HSPG2: variants seen among roughly 807,000 people sequenced by gnomAD.
HSPG2 encodes basement membrane-specific heparan sulfate proteoglycan core protein.
HSPG2 carries 278 observed loss-of-function variants against 526.6 expected under a neutral mutation model. The observed-to-expected ratio is 0.53, with a 90% CI of 0.48 to 0.58. HSPG2 has a LOEUF of 0.58. HSPG2 is among the 20% of genes least tolerant of loss of function. HSPG2 has a pLI of 0.00. For missense variants in HSPG2, 5,354 were observed against 6,099.5 expected (o/e 0.88, Z 4.07); for synonymous variants, 2,465 against 2,555.4 (o/e 0.96, Z 1.07).
rs527620507 is a variant in HSPG2, at chr1:21,908,068, G to A, written c.64-11758C>T. On this transcript the variant is annotated intron_variant, in intron 1 of 96. Coordinates refer to ENST00000374695, the MANE Select transcript of HSPG2 (RefSeq NM_005529.7). ...TATAAGTGTTTGCTGCCTTTCGGCC[G>A]GAACCGCCATCTTCCAGTAATTCGC... is the stretch of plus-strand genomic sequence containing the variant. 33 of 753,198 alleles carry A rather than the reference G, an allele frequency of 4.4e-5. No homozygotes were observed. The East Asian group carries it at 5.4e-4, about 12-fold the overall frequency. The allele number at this position is 753,198 out of a possible 1,614,324, so 46.7% of individuals were successfully genotyped here. A position where few individuals can be genotyped will look rare whatever the true frequency, so the allele number is the denominator to read the frequency against.
At position 21,839,576 on chromosome 1, in the gene HSPG2, G is replaced by A; in HGVS notation, c.9710-26C>T. 2 of 1,612,290 alleles carry A rather than the reference G, an allele frequency of 1.2e-6. No homozygotes were observed. Among genetic ancestry groups the A allele is most frequent in the Non-Finnish European group, 1.7e-6 (2 of 1,179,278 alleles). ...CTGTGGAGTCGAGTGGAAGATGACA[G>A]AAGTCACTGGGCTACCTCAGGGACC... On this transcript the variant is annotated intron_variant, in intron 72 of 96. Coordinates refer to ENST00000374695, the MANE Select transcript of HSPG2 (RefSeq NM_005529.7). This position sits in a 1 kb window ranked among gnomAD's most constrained non-coding sequence, Gnocchi z 4.5.
chr1:21,830,210 C>A, intron 85 of HSPG2, 119 bp from the exon 86 acceptor site: 2 of 824,884 alleles, frequency 2.4e-6, no homozygotes, highest in Non-Finnish European at 4.0e-6. Context: ...GCCAGGCCAG[C>A]CTCCTGGGAG....
rs1483828649 is a variant in HSPG2 at position 21,859,424 on chromosome 1, TCTC to T, written c.5293+139_5293+141del. The stretch of plus-strand genomic sequence containing the variant: ...TAAAATGAGTCTTGAATCTGCCACC[TCTC>T]CTCATCTCCATGGCTGCTGACCTTG... On this transcript the variant is annotated intron_variant, in intron 42 of 96. Coordinates refer to ENST00000374695, the MANE Select transcript of HSPG2 (RefSeq NM_005529.7). The surrounding 1 kb of genome is among the most constrained non-coding windows in gnomAD (Gnocchi z 5.3). 1.4e-6 allele frequency: 1 copy of T among 699,972 alleles called. No individual in the cohort carries two copies. Among genetic ancestry groups the T allele is most frequent in the African/African-American group, 1.8e-5 (1 of 57,064 alleles). The allele number at this position is 699,972 out of a possible 1,614,324, so 43.4% of individuals were successfully genotyped here. A position where few individuals can be genotyped will look rare whatever the true frequency, so the allele number is the denominator to read the frequency against.
At chr1:21,932,112 C>T (rs1177872525) in intron 1 of HSPG2, among the ~76,000 whole-genome samples, 1 of 150,494 alleles carries the variant, frequency 6.6e-6, no homozygotes, top group Non-Finnish European at 1.5e-5. Flanking sequence ...CCTAGGAGAC[C>T]CCACGGACAC....
At chr1:21,930,773 C>CAA (rs577150920) in intron 1 of HSPG2, among the ~76,000 whole-genome samples, 1 of 108,574 alleles carries the variant, frequency 9.2e-6, no homozygotes, top group East Asian at 2.6e-4. Context: ...GACTCCATCT[C>CAA]AAAAAAAAAA....
chr1:21,829,525 C>G lies in HSPG2; in HGVS notation c.11850G>C (p.Glu3950Asp). The change falls in exon 87 of 97, where the codon GAG becomes GAC. Residue 3950 changes from glutamate to aspartate, a missense_variant. Physicochemically the swap from Glu to Asp is conservative, Grantham distance 45. Transcript: ENST00000374695. ...GCTTGAACTCCACGTCCAGGCGTAG[C>G]TCGTGGTGTGTGTTGGTGAGGGCGG... The part of the protein sequence containing the change: ...ALPALTNTHH[E>D]LRLDVEFKPL... 6.2e-7 allele frequency: 1 copy of G among 1,613,128 alleles called. No individual in the cohort carries two copies. Among genetic ancestry groups the G allele is most frequent in the Non-Finnish European group, 8.5e-7 (1 of 1,179,854 alleles).
intron 1 of HSPG2, among the ~76,000 whole-genome samples, chr1:21,931,424 C>T (rs570167214): frequency 4.5e-4 from 69 of 152,330 alleles, no homozygotes; most frequent in African/African-American, 1.7e-3. Flanking sequence ...CCAGCAGGGC[C>T]GGGACCCTCG....
chr1:21,937,171 T>C lies in HSPG2; in HGVS notation c.47A>G (p.His16Arg). The change falls in exon 1 of 97, where the codon CAC (histidine) becomes CGC (arginine). Residue 16 changes from histidine to arginine, a missense_variant. Coordinates refer to ENST00000374695, the MANE Select transcript of HSPG2 (RefSeq NM_005529.7). ...CACACTCACCGCCAGCAGCCGCCCG[T>C]GCAGCAGCAGCGCCAGCAGCAGCGC... ...AGALLLALLL[H>R]GRLLAVTHGL... 5 of 1,047,296 alleles carry C rather than the reference T, an allele frequency of 4.8e-6. No homozygotes were observed. The highest frequency in any genetic ancestry group is 5.8e-6 in the Non-Finnish European group (5 of 862,840). 64.9% of individuals were successfully genotyped at this position (1,047,296 alleles called of 1,614,324 possible). A position where few individuals can be genotyped will look rare whatever the true frequency, so the allele number is the denominator to read the frequency against.
intron 25 of HSPG2, 122 bp from the exon 26 acceptor site, chr1:21,875,124 C>A: frequency 2.6e-6 from 2 of 761,764 alleles, no homozygotes; most frequent in Non-Finnish European, 4.6e-6. Context: ...CTGCTGGGGC[C>A]CTGTCCAGAT....
At position 21,823,246 on chromosome 1, in the gene HSPG2, TTAATAA is replaced by T; in HGVS notation, c.*64_*69del. 1 of 1,293,536 alleles carries T rather than the reference TTAATAA, an allele frequency of 7.7e-7. No individual in the cohort carries two copies. Among genetic ancestry groups the T allele is most frequent in the East Asian group, 2.6e-5 (1 of 38,040 alleles). The allele number at this position is 1,293,536 out of a possible 1,614,324, so 80.1% of individuals were successfully genotyped here. ...TTTCTTACAAAAATTCATAATAATA[TTAATAA>T]TAATATACTCGACATTGTCGGGCTG... On this transcript the variant is annotated 3_prime_UTR_variant, in exon 97 of 97. Transcript: ENST00000374695.
rs1641491683 is a variant in HSPG2, at chr1:21,881,336, C to T, written c.1818+3G>A. 3.1e-6 allele frequency: 5 copies of T among 1,613,194 alleles called. No homozygotes were observed. Among genetic ancestry groups the T allele is most frequent in the Non-Finnish European group, 4.2e-6 (5 of 1,179,614 alleles). ...ACCCAGGGTGGCAGCCCAGGCCCCT[C>T]ACCTTGTTGCCCAGGAACTGTTCAG... On this transcript the variant is annotated splice_donor_region_variant and intron_variant, in intron 14 of 96. Coordinates refer to ENST00000374695, the MANE Select transcript of HSPG2 (RefSeq NM_005529.7).
At position 21,847,990 on chromosome 1, in the gene HSPG2, A is replaced by G; in HGVS notation, c.7841T>C (p.Ile2614Thr). The G allele has an allele frequency of 6.2e-7, 1 of 1,613,684 alleles. No individual in the cohort carries two copies. The highest frequency in any genetic ancestry group is 8.5e-7 in the Non-Finnish European group (1 of 1,179,994). ...NGAGSRETSL[I>T]VTIQGSGSSH... is the part of the protein sequence containing the mutation. ...GGAACCGCTGCCCTGGATGGTGACG[A>G]TGAGCGAGGTCTCCCGGGAGCCTGC... Residue 2614 changes from isoleucine to threonine, a missense_variant, in exon 60 of 97, where the codon ATC becomes ACC. Ile to Thr is a moderately conservative substitution (Grantham distance 89). Coordinates refer to ENST00000374695, the MANE Select transcript of HSPG2 (RefSeq NM_005529.7). This position sits in a 1 kb window ranked among gnomAD's most constrained non-coding sequence, Gnocchi z 4.1.
In HSPG2 at chr1:21,847,058, C is replaced by T. The variant is rs898762399; in HGVS notation, c.8164+296G>A. ...TATAAAGCACTTCTGGCATGCCAGGCACGCTCTAAGCACATTACATGCACT... is the reference window on the plus strand; with the variant it reads ...TATAAAGCACTTCTGGCATGCCAGGTACGCTCTAAGCACATTACATGCACT... On this transcript the variant is annotated intron_variant, in intron 62 of 96. Transcript: ENST00000374695. The surrounding 1 kb of genome is among the most constrained non-coding windows in gnomAD (Gnocchi z 4.1). Among the ~76,000 whole-genome samples the T allele has an allele frequency of 1.3e-5, 2 of 152,154 alleles. No homozygotes were observed. Among genetic ancestry groups the T allele is most frequent in the Non-Finnish European group, 2.9e-5 (2 of 68,040 alleles).
Position 21,824,063 on chromosome 1 carries a change from G to T in HSPG2, c.12899+58C>A, listed in dbSNP as rs910394218. 6.8e-7 allele frequency: 1 copy of T among 1,465,838 alleles called. No individual in the cohort carries two copies. Among genetic ancestry groups the T allele is most frequent in the Non-Finnish European group, 9.4e-7 (1 of 1,058,210 alleles). 90.8% of individuals were successfully genotyped at this position (1,465,838 alleles called of 1,614,324 possible). A position where few individuals can be genotyped will look rare whatever the true frequency, so the allele number is the denominator to read the frequency against. ...TGCCTCTCTGCCCATGGTAGGGGGC[G>T]TCCTGCCCCACTCCAGAACGCTGGG... On this transcript the variant is annotated intron_variant, in intron 95 of 96. Transcript: ENST00000374695. The surrounding 1 kb of genome is among the most constrained non-coding windows in gnomAD (Gnocchi z 5.9).
At chr1:21,918,762 G>A (rs1359684500) in intron 1 of HSPG2, among the ~76,000 whole-genome samples, 1 of 152,208 alleles carries the variant, frequency 6.6e-6, no homozygotes, top group African/African-American at 2.4e-5. Flanking sequence ...CTTTATTTCT[G>A]AATAATAAAG....
At chr1:21,846,862 C>A (rs1376868959) in intron 62 of HSPG2, among the ~76,000 whole-genome samples, 1 of 151,876 alleles carries the variant, frequency 6.6e-6, no homozygotes, top group Non-Finnish European at 1.5e-5. Flanking sequence ...TAGCCGGGCA[C>A]GGTGGCATGT....
chr1:21,874,088 G>T (rs1481797366), intron 28 of HSPG2, 77 bp from the exon 29 acceptor site: 2 of 1,295,792 alleles, frequency 1.5e-6, no homozygotes, highest in Non-Finnish European at 2.2e-6. Context: ...AGGACCAGGG[G>T]AGAGGGGAGG....
In HSPG2 at chr1:21,833,455, G is replaced by A. The variant is rs752891695; in HGVS notation, c.10978+12C>T. On this transcript the variant is annotated intron_variant, in intron 79 of 96. Transcript: ENST00000374695. ...GGCAGGGCACTGCCAATTCTTAGGG[G>A]TGGTGTCTTACCTGGCACCTGCAGG... 15 of 1,614,088 alleles carry A rather than the reference G, an allele frequency of 9.3e-6. No individual in the cohort carries two copies. In the African/African-American group the frequency reaches 1.6e-4, roughly 17 times the overall value.
In HSPG2 at chr1:21,890,437, C is replaced by A; in HGVS notation, c.403G>T (p.Val135Leu). ...KIPGDQVVSV[V>L]FIKELDGWVF... Reference sequence around the variant, plus strand: ...GGAGCCCCTTCTCACTTGATGAACACCACACTGACAACCTGGTCTCCGGGA... The same window carrying A: ...GGAGCCCCTTCTCACTTGATGAACAACACACTGACAACCTGGTCTCCGGGA... The change falls in exon 5 of 97, where the codon GTG becomes TTG. Residue 135 changes from valine to leucine, a missense_variant. Physicochemically the swap from Val to Leu is conservative, Grantham distance 32. Coordinates refer to ENST00000374695, the MANE Select transcript of HSPG2 (RefSeq NM_005529.7). This position sits in a 1 kb window ranked among gnomAD's most constrained non-coding sequence, Gnocchi z 4.1. 6.2e-7 allele frequency: 1 copy of A among 1,614,080 alleles called. No individual in the cohort carries two copies.
Sources: allele counts gnomAD v4.1 joint callset (sites outside exome capture counted in the v4.1 genomes callset), GRCh38; gene constraint gnomAD v4.1.1; non-coding constraint Gnocchi (gnomAD v3.1); transcripts MANE v1.5; gene names NCBI Gene and HGNC (gene_info 2026-07-23, HGNC 2026-07-21).